The following TDRD1 variants were observed in gnomAD, a reference collection of about 807,000 sequenced individuals.
The protein encoded by TDRD1 is tudor domain containing 1.
TDRD1 carries 37 observed loss-of-function variants against 140.6 expected under a neutral mutation model. That is an observed-to-expected ratio of 0.26 (90% CI 0.20 to 0.35). The LOEUF is 0.35. Among genes scored for constraint, TDRD1 ranks in the 10% least tolerant of loss-of-function variants. TDRD1 has a pLI of 1.00. For synonymous variants in TDRD1, 506 were observed against 475.7 expected (o/e 1.06, Z -0.83); for missense variants, 1,243 against 1,393.0 (o/e 0.89, Z 1.71).
exon 15 of TDRD1, chr10:114,213,347 A>T (rs1388036434): frequency 6.2e-7 from 1 of 1,610,758 alleles, no homozygotes; most frequent in Non-Finnish European, 8.5e-7. Flanking sequence ...CTTTGTTAGG[A>T]GTAAAGCCAT....
At chr10:114,215,587 T>TA (rs1166670543) in intron 16 of TDRD1, among the ~76,000 whole-genome samples, 3 of 152,164 alleles carry the variant, frequency 2.0e-5, no homozygotes, top group Non-Finnish European at 4.4e-5. Context: ...GTTTTCCAAA[T>TA]ATTGGTTTTT....
chr10:114,220,650 C>T (rs2036083482), exon 19 of TDRD1: 1 of 1,613,420 alleles, frequency 6.2e-7, no homozygotes, highest in African/African-American at 1.3e-5. Context: ...AATTGCAAGC[C>T]AGAGTGGTTG....
At chr10:114,199,922 A>G (rs1260063382) in intron 4 of TDRD1, among the ~76,000 whole-genome samples, 1 of 152,212 alleles carries the variant, frequency 6.6e-6, no homozygotes, top group Non-Finnish European at 1.5e-5. Flanking sequence ...ACATTTCTGT[A>G]CAAGTGTTCG....
chr10:114,181,284 A>G (rs149070321), intron 1 of TDRD1, among the ~76,000 whole-genome samples: 135 of 152,332 alleles, frequency 8.9e-4, no homozygotes, highest in Non-Finnish European at 6.2e-4. Flanking sequence ...ATGATTAAAT[A>G]TATTTCTATT....
intron 14 of TDRD1, 143 bp from the exon 15 acceptor site, chr10:114,213,203 T>C: frequency 1.3e-6 from 1 of 756,224 alleles, no homozygotes; most frequent in Non-Finnish European, 2.0e-6. Context: ...AATTATGCAT[T>C]CATTTTTATG....
At chr10:114,228,100 T>A (rs761446013) in exon 25 of TDRD1, 3 of 1,600,230 alleles carry the variant, frequency 1.9e-6, no homozygotes, top group Non-Finnish European at 2.6e-6. Context: ...AAAATAAATT[T>A]ATTGAAATGA....
At chr10:114,209,384 C>T (rs2133048184) in intron 11 of TDRD1, among the ~76,000 whole-genome samples, 1 of 152,288 alleles carries the variant, frequency 6.6e-6, no homozygotes, top group Middle Eastern at 3.4e-3. Context: ...AGAATCTCAG[C>T]CCCCTTACTC....
chr10:114,186,465 C>A (rs986041490), intron 1 of TDRD1, among the ~76,000 whole-genome samples: 1 of 151,792 alleles, frequency 6.6e-6, no homozygotes, highest in African/African-American at 2.4e-5. Flanking sequence ...GGGGTTTCAC[C>A]GTGTTAGCCA....
chr10:114,211,957 C>A (rs1461732301), exon 14 of TDRD1: 1 of 1,612,420 alleles, frequency 6.2e-7, no homozygotes, highest in Non-Finnish European at 8.5e-7. Flanking sequence ...ACTTTGAAAT[C>A]CTTAGTTTGA....
chr10:114,195,596 C>G (rs1292876765), intron 3 of TDRD1, among the ~76,000 whole-genome samples: 2 of 152,086 alleles, frequency 1.3e-5, no homozygotes, highest in African/African-American at 4.8e-5. Context: ...TCTGTTTTAT[C>G]TGATATTAAT....
intron 1 of TDRD1, among the ~76,000 whole-genome samples, chr10:114,185,459 G>C (rs2033441150): frequency 2.0e-5 from 3 of 151,946 alleles, no homozygotes; most frequent in Non-Finnish European, 2.9e-5. Context: ...CAAAATGCTT[G>C]GATTACAGGC....
rs1457765038 is a variant in TDRD1, at chr10:114,188,174, G to C, written c.325+18G>C. ...GCCAGCAGGTGAGTGAAAACCACAG[G>C]CTTCCTACTTCTTCATTCTCATGGT... On this transcript the variant is annotated intron_variant, in intron 2 of 25. Coordinates refer to ENST00000251864, the Ensembl canonical transcript of TDRD1. 19 of 1,545,198 alleles carry C rather than the reference G, an allele frequency of 1.2e-5. No homozygotes were observed. Among genetic ancestry groups the C allele is most frequent in the Non-Finnish European group, 1.4e-5 (16 of 1,150,150 alleles).
exon 2 of TDRD1, chr10:114,187,988 T>C: frequency 6.2e-7 from 1 of 1,614,122 alleles, no homozygotes; most frequent in Non-Finnish European, 8.5e-7. Context: ...CCACCCTAAT[T>C]TCAGGCTGAA....
At chr10:114,192,389 C>T (rs541156619) in intron 3 of TDRD1, among the ~76,000 whole-genome samples, 4 of 147,890 alleles carry the variant, frequency 2.7e-5, no homozygotes, top group Admixed American at 1.4e-4. Context: ...CTGCAACCTC[C>T]GCCTCCTGGG....
At chr10:114,182,367 G>A (rs2033139060) in intron 1 of TDRD1, among the ~76,000 whole-genome samples, 1 of 151,900 alleles carries the variant, frequency 6.6e-6, no homozygotes, top group South Asian at 2.1e-4. Flanking sequence ...TCCTGAATAG[G>A]GTGAGTCCTT....
At chr10:114,190,680 G>T (rs1490268261) in intron 2 of TDRD1, among the ~76,000 whole-genome samples, 1 of 152,078 alleles carries the variant, frequency 6.6e-6, no homozygotes, top group Non-Finnish European at 1.5e-5. Flanking sequence ...TAGAGACGGG[G>T]TTTCACCATG....
chr10:114,221,170 C>G (rs11598710), intron 19 of TDRD1, among the ~76,000 whole-genome samples, 187 bp from the exon 20 acceptor site: 1 of 152,028 alleles, frequency 6.6e-6, no homozygotes, highest in African/African-American at 2.4e-5. Flanking sequence ...TGAACTTTTT[C>G]GTACTGCCCA....
chr10:114,206,354 G>A lies in TDRD1; in HGVS notation c.1384+24G>A, dbSNP rs187595373. ...AAGTGAGTATAGATTGATATTGAAC[G>A]GTATAGCGACTTCAGTTATTGAAGA... is the stretch of plus-strand genomic sequence containing the variant. On this transcript the variant is annotated intron_variant, in intron 11 of 25. Transcript: ENST00000251864. The A allele has an allele frequency of 2.7e-4, 429 of 1,587,522 alleles. 3 individuals carry two copies. In the Middle Eastern group the frequency reaches 5.2e-3, roughly 19 times the overall value.
exon 22 of TDRD1, chr10:114,226,170 T>A (rs2036424948): frequency 6.2e-7 from 1 of 1,614,034 alleles, no homozygotes. Flanking sequence ...CAATCACCTC[T>A]AGCCACCTGG....
Sources: allele counts gnomAD v4.1 joint callset (sites outside exome capture counted in the v4.1 genomes callset), GRCh38; gene constraint gnomAD v4.1.1; transcripts MANE v1.5; gene names NCBI Gene and HGNC (gene_info 2026-07-23, HGNC 2026-07-21).